The following CD96 variants were observed in gnomAD, a reference collection of about 807,000 sequenced individuals.
CD96 encodes the protein T-cell surface protein tactile.
CD96 carries 70 observed loss-of-function variants against 71.3 expected under a neutral mutation model. That is an observed-to-expected ratio of 0.98 (90% CI 0.81 to 1.20). The LOEUF (loss-of-function observed/expected upper bound fraction) is 1.20, where lower values mean the gene tolerates loss of function less well. Among genes scored for constraint, CD96 ranks in the 50% most tolerant of loss-of-function variants. The pLI is 0.00. For missense variants in CD96, 742 were observed against 677.5 expected (o/e 1.10, Z -1.06); for synonymous variants, 248 against 233.0 (o/e 1.06, Z -0.59).
At chr3:111,596,530 A>G (rs1272702099) in intron 5 of CD96, among the ~76,000 whole-genome samples, 2 of 152,348 alleles carry the variant, frequency 1.3e-5, no homozygotes, top group East Asian at 1.9e-4. Context: ...TACTCCTGAT[A>G]TTACCATATC....
intron 4 of CD96, among the ~76,000 whole-genome samples, chr3:111,584,866 T>C (rs1264325377): frequency 6.6e-6 from 1 of 152,114 alleles, no homozygotes; most frequent in Non-Finnish European, 1.5e-5. Flanking sequence ...TTTCTCTCCC[T>C]CCCCACCACC....
intron 2 of CD96, among the ~76,000 whole-genome samples, chr3:111,561,810 C>G (rs1418846874): frequency 2.7e-5 from 4 of 150,374 alleles, no homozygotes; most frequent in Admixed American, 2.0e-4. Context: ...CCCCCAGCCT[C>G]GCTGCCGACT....
chr3:111,599,458 A>T (rs1308665687), intron 6 of CD96, among the ~76,000 whole-genome samples: 1 of 152,154 alleles, frequency 6.6e-6, no homozygotes, highest in East Asian at 1.9e-4. Context: ...AGTGGCACAC[A>T]CTTGTAATCT....
intron 8 of CD96, among the ~76,000 whole-genome samples, chr3:111,614,237 G>A (rs1938107047): frequency 6.6e-6 from 1 of 152,214 alleles, no homozygotes. Context: ...GGTGGGGGTA[G>A]GGAAGAGACA....
rs1937631357 is a variant in CD96 at position 111,606,597 on chromosome 3, C to T, written c.1088-103C>T. 12 of 724,820 alleles carry T rather than the reference C, an allele frequency of 1.7e-5. No individual in the cohort carries two copies. In the South Asian group the frequency reaches 1.8e-4, roughly 11 times the overall value. The allele number at this position is 724,820 out of a possible 1,614,324, so 44.9% of individuals were successfully genotyped here. On this transcript the variant is annotated intron_variant, in intron 7 of 13. Transcript: ENST00000352690. Reference sequence around the variant, plus strand: ...ATAGGGCCCCAATATTGATTTGTTACATGATGAATAAATAAAGGAAAGTGT... The same window carrying T: ...ATAGGGCCCCAATATTGATTTGTTATATGATGAATAAATAAAGGAAAGTGT...
At chr3:111,542,413 CAAAGG>C in intron 1 of CD96, 104 bp downstream of exon 1, 35 of 821,944 alleles carry the variant, frequency 4.3e-5, no homozygotes, top group Non-Finnish European at 6.0e-5. Context: ...AATTGATCAC[CAAAGG>C]ACAAATCATT....
intron 3 of CD96, among the ~76,000 whole-genome samples, chr3:111,575,588 A>G (rs546146816): frequency 1.3e-5 from 2 of 152,348 alleles, no homozygotes; most frequent in East Asian, 3.9e-4. Flanking sequence ...GTCTTAATCT[A>G]TTTTGTGCTG....
Position 111,623,820 on chromosome 3 carries a change from A to T in CD96, c.1247A>T (p.Gln416Leu), listed in dbSNP as rs148659928. The T allele has an allele frequency of 2.8e-4, 447 of 1,604,234 alleles. 1 individual carries two copies. The highest frequency in any genetic ancestry group is 9.9e-4 in the Middle Eastern group (6 of 6,040). Reference protein sequence around the residue: ...VSALRPNTTPQPSNSSMTTRG... With the variant: ...VSALRPNTTPLPSNSSMTTRG... The stretch of plus-strand genomic sequence containing the variant: ...GCCTTGAGGCCAAACACCACTCCTC[A>T]ACGTGAGTTCAGCAAAGTTTTCCTA... The change falls in exon 9 of 14, where the codon CAA becomes CTA. Residue 416 changes from glutamine (Q) to leucine (L), a missense_variant and splice_region_variant. Coordinates refer to ENST00000352690, the MANE Select transcript of CD96 (RefSeq NM_005816.5).
chr3:111,578,772 TAGA>T (rs2107582783), intron 3 of CD96, among the ~76,000 whole-genome samples: 1 of 152,338 alleles, frequency 6.6e-6, no homozygotes, highest in African/African-American at 2.4e-5. Flanking sequence ...ATACAGTTCA[TAGA>T]AGATTATGAA....
chr3:111,571,471 C>T (rs2107560238), intron 3 of CD96, among the ~76,000 whole-genome samples: 1 of 151,904 alleles, frequency 6.6e-6, no homozygotes. Context: ...TATCAAGTAG[C>T]TTCCTTTAAA....
intron 7 of CD96, among the ~76,000 whole-genome samples, chr3:111,602,971 C>G (rs953670250): frequency 9.9e-5 from 15 of 152,180 alleles, no homozygotes; most frequent in African/African-American, 3.6e-4. Context: ...GAGGTGATTC[C>G]TTCTCCACCT....
At chr3:111,617,480 A>T (rs553019357) in intron 8 of CD96, among the ~76,000 whole-genome samples, 6 of 152,296 alleles carry the variant, frequency 3.9e-5, no homozygotes, top group African/African-American at 1.4e-4. Flanking sequence ...CCAGACTCAG[A>T]AAGAAGTCAA....
chr3:111,553,239 T>C (rs116112740), intron 2 of CD96, among the ~76,000 whole-genome samples: 1,897 of 151,978 alleles, frequency 0.012, 39 homozygotes, highest in African/African-American at 0.042. Flanking sequence ...TCCCTTTTAA[T>C]CTGAAAGCTA....
chr3:111,646,688 A>C (rs1245955729), intron 12 of CD96, among the ~76,000 whole-genome samples: 2 of 151,994 alleles, frequency 1.3e-5, no homozygotes, highest in Non-Finnish European at 2.9e-5. Context: ...AAAAATTACT[A>C]TTTGATCCAG....
At chr3:111,575,399 T>C (rs1446320697) in intron 3 of CD96, among the ~76,000 whole-genome samples, 1 of 152,166 alleles carries the variant, frequency 6.6e-6, no homozygotes, top group Non-Finnish European at 1.5e-5. Context: ...AACATCAAAT[T>C]TGTAAATAAA....
chr3:111,575,880 G>A (rs913626117), intron 3 of CD96, among the ~76,000 whole-genome samples: 4 of 152,182 alleles, frequency 2.6e-5, no homozygotes, highest in Non-Finnish European at 4.4e-5. Flanking sequence ...CTCCCATTAG[G>A]CTTCACCTCC....
rs931361769 is a variant in CD96 at position 111,579,638 on chromosome 3, G to A, written c.751+404G>A. Among the ~76,000 whole-genome samples the A allele has an allele frequency of 7.2e-5, 11 of 152,234 alleles. No individual in the cohort carries two copies. The South Asian group carries it at 8.3e-4, about 11-fold the overall frequency. On this transcript the variant is annotated intron_variant, in intron 4 of 13. Transcript: ENST00000352690. ...TCTGAAGAATCCCAAGGTGGCACAC[G>A]GTATCACATGGCGAGGGGACAGAGT...
At chr3:111,559,150 A>C (rs1935246783) in intron 2 of CD96, among the ~76,000 whole-genome samples, 1 of 150,836 alleles carries the variant, frequency 6.6e-6, no homozygotes, top group Non-Finnish European at 1.5e-5. Context: ...GATCCTTTCA[A>C]AAAACCAGCT....
At chr3:111,592,699 T>C (rs374937932) in intron 5 of CD96, among the ~76,000 whole-genome samples, 1 of 152,238 alleles carries the variant, frequency 6.6e-6, no homozygotes, top group East Asian at 1.9e-4. Flanking sequence ...TTCTTTCAGT[T>C]CTTCCTCACT....
Sources: allele counts gnomAD v4.1 joint callset (sites outside exome capture counted in the v4.1 genomes callset), GRCh38; gene constraint gnomAD v4.1.1; transcripts MANE v1.5; gene names NCBI Gene and HGNC (gene_info 2026-07-23, HGNC 2026-07-21).